DIAPH2: variants seen among roughly 807,000 people sequenced by gnomAD.
The protein encoded by DIAPH2 is protein diaphanous homolog 2.
DIAPH2 carries 35 observed loss-of-function variants against 92.7 expected under a neutral mutation model. That is an observed-to-expected ratio of 0.38 (90% CI 0.29 to 0.50). DIAPH2 has a LOEUF of 0.50. Among genes scored for constraint, DIAPH2 ranks in the 20% least tolerant of loss-of-function variants. The pLI is 0.94. For synonymous variants in DIAPH2, 301 were observed against 280.4 expected (o/e 1.07, Z -0.73); for missense variants, 701 against 819.5 (o/e 0.86, Z 1.77).
At chrX:96,805,384 G>A (rs1457750325) in intron 4 of DIAPH2, among the ~76,000 whole-genome samples, 1 of 110,717 alleles carries the variant, frequency 9.0e-6, no homozygotes, top group African/African-American at 3.3e-5. Flanking sequence ...GCAAAGATGG[G>A]AACAAGGCAA....
intron 5 of DIAPH2, chrX:96,884,330 G>A: frequency 8.3e-7 from 1 of 1,209,820 alleles, no homozygotes; most frequent in African/African-American, 1.7e-5. Context: ...AGTGGGTTTG[G>A]GAGCTATGGC....
At chrX:97,042,410 A>G (rs1198492054) in intron 17 of DIAPH2, among the ~76,000 whole-genome samples, 3 of 111,939 alleles carry the variant, frequency 2.7e-5, no homozygotes, top group African/African-American at 9.7e-5. Flanking sequence ...TTGAGTGAAT[A>G]TCAGACCATT....
chrX:97,530,254 A>G (rs1342150455), intron 26 of DIAPH2, among the ~76,000 whole-genome samples: 1 of 111,831 alleles, frequency 8.9e-6, no homozygotes, highest in Admixed American at 9.5e-5. Context: ...TCATGGGATG[A>G]AAAAGCCTAA....
intron 4 of DIAPH2, among the ~76,000 whole-genome samples, chrX:96,790,976 G>C (rs2064496432): frequency 9.0e-6 from 1 of 111,366 alleles, no homozygotes; most frequent in African/African-American, 3.3e-5. Flanking sequence ...GTTTTCATCG[G>C]GAATGGTTAG....
At chrX:96,816,616 C>A in intron 4 of DIAPH2, among the ~76,000 whole-genome samples, 1 of 112,146 alleles carries the variant, frequency 8.9e-6, no homozygotes, top group Non-Finnish European at 1.9e-5. Flanking sequence ...CCCTCATGCA[C>A]TGTTGGTGGG....
intron 4 of DIAPH2, among the ~76,000 whole-genome samples, chrX:96,859,091 T>C (rs1206969020): frequency 9.0e-6 from 1 of 111,656 alleles, no homozygotes; most frequent in Non-Finnish European, 1.9e-5. Flanking sequence ...AAATTTTAAA[T>C]TAAATATTTA....
chrX:97,569,566 T>C (rs1388341984), intron 26 of DIAPH2, among the ~76,000 whole-genome samples: 1 of 111,546 alleles, frequency 9.0e-6, no homozygotes, highest in Non-Finnish European at 1.9e-5. Context: ...TAGTGCGTGA[T>C]ATAAATATGG....
intron 3 of DIAPH2, among the ~76,000 whole-genome samples, chrX:96,746,667 C>T (rs1194805600): frequency 9.1e-6 from 1 of 110,430 alleles, no homozygotes; most frequent in Non-Finnish European, 1.9e-5. Flanking sequence ...AATCCTCCCA[C>T]CTCAGCATCC....
At chrX:97,386,616 C>T (rs2069603385) in intron 25 of DIAPH2, among the ~76,000 whole-genome samples, 1 of 107,350 alleles carries the variant, frequency 9.3e-6, no homozygotes, top group Non-Finnish European at 1.9e-5. Flanking sequence ...TGCAGTGAGC[C>T]GAGATCTCAC....
chrX:97,484,229 T>C (rs905923148), intron 26 of DIAPH2, among the ~76,000 whole-genome samples: 1 of 111,618 alleles, frequency 9.0e-6, no homozygotes, highest in African/African-American at 3.3e-5. Flanking sequence ...ACCAGAGACA[T>C]AATAGTTAAA....
rs143995212 is a variant in DIAPH2, at chrX:96,984,306, T to C, written c.2050+19099T>C. The stretch of plus-strand genomic sequence containing the variant: ...TCTGGTCAGATATTTAGGGATTGTT[T>C]AGAGATCTTTTCAAAGATCATCTGT... On this transcript the variant is annotated intron_variant, in intron 17 of 26. Coordinates refer to ENST00000324765, the MANE Select transcript of DIAPH2 (RefSeq NM_006729.5). 5.6e-3 allele frequency among the ~76,000 whole-genome samples: 620 copies of C among 111,634 alleles called. 2 individuals are homozygous for C. Among genetic ancestry groups the C allele is most frequent in the Non-Finnish European group, 9.1e-3 (481 of 53,037 alleles).
At chrX:96,956,676 G>T (rs2065812596) in intron 15 of DIAPH2, among the ~76,000 whole-genome samples, 1 of 111,879 alleles carries the variant, frequency 8.9e-6, no homozygotes, top group Non-Finnish European at 1.9e-5. Flanking sequence ...TCTTTGCATT[G>T]CAAGAGTGAC....
chrX:96,791,859 T>G (rs1012999389), intron 4 of DIAPH2, among the ~76,000 whole-genome samples: 1 of 110,981 alleles, frequency 9.0e-6, no homozygotes, highest in East Asian at 2.8e-4. Flanking sequence ...ATCATTTTTA[T>G]CTCCAGTTTA....
At chrX:97,354,189 C>T (rs908185258) in intron 24 of DIAPH2, among the ~76,000 whole-genome samples, 5 of 111,340 alleles carry the variant, frequency 4.5e-5, no homozygotes, top group African/African-American at 1.3e-4. Flanking sequence ...TCAACCATCT[C>T]TCGTCCGGAC....
chrX:96,819,127 G>A (rs1367141595), intron 4 of DIAPH2, among the ~76,000 whole-genome samples: 1 of 112,390 alleles, frequency 8.9e-6, no homozygotes, highest in Non-Finnish European at 1.9e-5. Context: ...ACAAGCCACA[G>A]TAGTGGTCTG....
At chrX:97,294,920 T>A (rs908522656) in intron 23 of DIAPH2, among the ~76,000 whole-genome samples, 1 of 111,457 alleles carries the variant, frequency 9.0e-6, no homozygotes, top group East Asian at 2.8e-4. Flanking sequence ...TTCATTTCCC[T>A]TGGCTGTCTT....
intron 23 of DIAPH2, among the ~76,000 whole-genome samples, chrX:97,347,214 G>C (rs745882022): frequency 1.7e-4 from 18 of 105,258 alleles, no homozygotes; most frequent in Non-Finnish European, 3.3e-4. Context: ...TCAGCTTCCC[G>C]AGTAGCTGGG....
chrX:96,704,906 A>T (rs1277678761), intron 1 of DIAPH2, among the ~76,000 whole-genome samples: 1 of 109,263 alleles, frequency 9.2e-6, no homozygotes, highest in East Asian at 2.9e-4. Context: ...GTCACTGGGA[A>T]CTTCTCTTCC....
intron 21 of DIAPH2, 87 bp downstream of exon 21, chrX:97,115,052 C>A (rs2067006770): frequency 2.2e-6 from 2 of 899,277 alleles, no homozygotes; most frequent in Non-Finnish European, 1.5e-6. Flanking sequence ...CGTACATAAA[C>A]CACAAAATTG....
Sources: allele counts gnomAD v4.1 joint callset (sites outside exome capture counted in the v4.1 genomes callset), GRCh38; gene constraint gnomAD v4.1.1; transcripts MANE v1.5; gene names NCBI Gene and HGNC (gene_info 2026-07-23, HGNC 2026-07-21).